PREX2: variants seen among roughly 807,000 people sequenced by gnomAD.
PREX2 encodes phosphatidylinositol-3,4,5-trisphosphate dependent Rac exchange factor 2.
In PREX2, 107 loss-of-function variants were observed where a neutral mutation model predicts 203.2. That is an observed-to-expected ratio of 0.53 (90% CI 0.45 to 0.62). PREX2 has a LOEUF of 0.62. PREX2 is among the 20% of genes least tolerant of loss of function. The pLI, the probability that PREX2 is intolerant of heterozygous loss-of-function variation, is 0.00. For synonymous variants in PREX2, 672 were observed against 663.6 expected (o/e 1.01, Z -0.19); for missense variants, 1,777 against 1,955.9 (o/e 0.91, Z 1.72).
chr8:68,125,403 T>G (rs895825045), intron 30 of PREX2, among the ~76,000 whole-genome samples: 3 of 152,126 alleles, frequency 2.0e-5, no homozygotes, highest in Non-Finnish European at 4.4e-5. Flanking sequence ...CCCCATCTGT[T>G]ATATACCACA....
At chr8:67,952,850 G>A in intron 1 of PREX2, 2 of 475,410 alleles carry the variant, frequency 4.2e-6, no homozygotes, top group Non-Finnish European at 3.8e-6. Context: ...TCTTTTACCC[G>A]CCTCCCCAGT....
chr8:68,005,118 C>A (rs915637480), intron 1 of PREX2, among the ~76,000 whole-genome samples: 35 of 152,098 alleles, frequency 2.3e-4, no homozygotes, highest in African/African-American at 8.2e-4. Flanking sequence ...TTTCCTTCAA[C>A]CCTGTCCTCC....
At chr8:68,105,431 G>A (rs538493003) in intron 23 of PREX2, 2 of 1,234,726 alleles carry the variant, frequency 1.6e-6, no homozygotes, top group South Asian at 1.5e-5. Flanking sequence ...ATGTGGGCAG[G>A]GGGACATCCT....
chr8:68,103,465 ATTG>A (rs1810320954), intron 23 of PREX2: 11 of 496,322 alleles, frequency 2.2e-5, no homozygotes, highest in South Asian at 1.6e-4. Flanking sequence ...ATCTTCAGAA[ATTG>A]TTTATTCGTG....
At chr8:67,956,675 C>G (rs1156268309) in intron 1 of PREX2, among the ~76,000 whole-genome samples, 2 of 152,178 alleles carry the variant, frequency 1.3e-5, no homozygotes, top group Non-Finnish European at 2.9e-5. Context: ...ATATAATTTA[C>G]TGTCTAAACT....
intron 10 of PREX2, among the ~76,000 whole-genome samples, chr8:68,056,409 A>G (rs1389098248): frequency 1.3e-5 from 2 of 152,194 alleles, no homozygotes; most frequent in Non-Finnish European, 2.9e-5. Flanking sequence ...TGGGCTCAGG[A>G]TAAAGGGTGT....
At chr8:68,061,312 G>C (rs1808844199) in intron 11 of PREX2, among the ~76,000 whole-genome samples, 1 of 152,234 alleles carries the variant, frequency 6.6e-6, no homozygotes, top group Non-Finnish European at 1.5e-5. Context: ...CTGGATTCCA[G>C]AACATATGAA....
At chr8:68,078,867 A>G (rs1489359868) in intron 15 of PREX2, among the ~76,000 whole-genome samples, 13 of 152,192 alleles carry the variant, frequency 8.5e-5, no homozygotes, top group Admixed American at 8.5e-4. Flanking sequence ...AGTTTTTCAT[A>G]CCAAAGTCTG....
chr8:68,097,010 G>C lies in PREX2; in HGVS notation c.2369-7G>C. The C allele has an allele frequency of 6.2e-7, 1 of 1,610,984 alleles. No individual in the cohort carries two copies. Among genetic ancestry groups the C allele is most frequent in the African/African-American group, 1.3e-5 (1 of 74,984 alleles). Reference sequence around the variant, plus strand: ...AATTTACTGAGTTACAGTTGTCTTTGTTCCAGAGGTTATTGACAAATTCAA... The same window carrying C: ...AATTTACTGAGTTACAGTTGTCTTTCTTCCAGAGGTTATTGACAAATTCAA... On this transcript the variant is annotated splice_region_variant and splice_polypyrimidine_tract_variant and intron_variant, in intron 21 of 39. Coordinates refer to ENST00000288368, the MANE Select transcript of PREX2 (RefSeq NM_024870.4).
chr8:68,122,237 T>C (rs1312796653), intron 30 of PREX2, among the ~76,000 whole-genome samples: 1 of 152,068 alleles, frequency 6.6e-6, no homozygotes, highest in East Asian at 1.9e-4. Flanking sequence ...TGTTTAGAGA[T>C]TAGTAGAAAG....
intron 1 of PREX2, among the ~76,000 whole-genome samples, chr8:67,993,400 C>CTTTTTTT (rs5892121): frequency 2.8e-5 from 3 of 108,226 alleles, no homozygotes; most frequent in Non-Finnish European, 2.0e-5. Flanking sequence ...TTACTTCAGT[C>CTTTTTTT]TTTTTTTTTT....
At chr8:68,054,880 T>C (rs1190708610) in intron 9 of PREX2, among the ~76,000 whole-genome samples, 2 of 152,204 alleles carry the variant, frequency 1.3e-5, no homozygotes, top group African/African-American at 2.4e-5. Flanking sequence ...TTCCATTCAG[T>C]CACTCTCATC....
chr8:67,988,647 C>T (rs1166076164), intron 1 of PREX2, among the ~76,000 whole-genome samples: 3 of 152,236 alleles, frequency 2.0e-5, no homozygotes, highest in African/African-American at 7.2e-5. Context: ...GCCCACTGCT[C>T]ACTTTCACCT....
intron 1 of PREX2, among the ~76,000 whole-genome samples, chr8:67,979,660 A>C (rs941348617): frequency 6.6e-6 from 1 of 152,228 alleles, no homozygotes; most frequent in Middle Eastern, 3.2e-3. Flanking sequence ...GAATCAGGAC[A>C]TATAAAAGAT....
chr8:67,969,495 TAAG>T (rs1050273981), intron 1 of PREX2, among the ~76,000 whole-genome samples: 8 of 152,048 alleles, frequency 5.3e-5, no homozygotes, highest in African/African-American at 1.9e-4. Flanking sequence ...CCCATAATAA[TAAG>T]GATTAGGACC....
At chr8:68,078,707 T>C (rs1809423726) in intron 15 of PREX2, among the ~76,000 whole-genome samples, 1 of 152,152 alleles carries the variant, frequency 6.6e-6, no homozygotes. Context: ...GAACAAACTA[T>C]GAACGGAAGA....
rs772004397 is a variant in PREX2 at position 68,217,628 on chromosome 8, C to T, written c.4617C>T (p.Ser1539=). 39 of 1,613,858 alleles carry T rather than the reference C, an allele frequency of 2.4e-5. No individual in the cohort carries two copies. Among genetic ancestry groups the T allele is most frequent in the South Asian group, 7.7e-5 (7 of 91,078 alleles). Residue 1539 remains serine, a synonymous_variant, in exon 38 of 40, where the codon AGC becomes AGT. Coordinates refer to ENST00000288368, the MANE Select transcript of PREX2 (RefSeq NM_024870.4). The part of the protein sequence containing the change: ...CSSGVHRCTL[S]VTLEQAIILA... ...CCTTGGCCCACAGGTGCACCCTGAG[C>T]GTGACGCTGGAGCAAGCCATCATTC...
intron 1 of PREX2, among the ~76,000 whole-genome samples, chr8:67,954,777 G>A (rs373615377): frequency 6.6e-6 from 1 of 152,132 alleles, no homozygotes; most frequent in African/African-American, 2.4e-5. Flanking sequence ...TTAGGAAGAG[G>A]AAGAAGAGGT....
chr8:67,953,483 G>A (rs900343554), intron 1 of PREX2, among the ~76,000 whole-genome samples: 3 of 152,074 alleles, frequency 2.0e-5, no homozygotes, highest in Admixed American at 6.6e-5. Flanking sequence ...TCCTGGGAGA[G>A]CATCATTCAA....
Sources: gnomAD v4.1 joint callset for allele counts (sites outside exome capture counted in the v4.1 genomes callset) on GRCh38, gnomAD v4.1.1 for gene constraint, MANE v1.5 for transcripts, NCBI Gene and HGNC (gene_info 2026-07-23, HGNC 2026-07-21) for gene names.